The following SLC34A3 variants were observed in gnomAD, a reference collection of about 807,000 sequenced individuals.
SLC34A3 encodes solute carrier family 34 member 3, also known as sodium-dependent phosphate transport protein 2C.
SLC34A3 carries 60 observed loss-of-function variants against 43.9 expected under a neutral mutation model. That is an observed-to-expected ratio of 1.37 (90% CI 1.11 to 1.70). The LOEUF (loss-of-function observed/expected upper bound fraction) is 1.70, where lower values mean the gene tolerates loss of function less well. Among genes scored for constraint, SLC34A3 ranks in the 40% most tolerant of loss-of-function variants. The probability of loss-of-function intolerance (pLI) is 0.00; values close to 1 mark genes in which losing one functional copy is unlikely to be tolerated. For synonymous variants in SLC34A3, 451 were observed against 386.2 expected (o/e 1.17, Z -1.97); for missense variants, 969 against 823.8 (o/e 1.18, Z -2.16).
At position 137,234,081 on chromosome 9, in the gene SLC34A3, C is replaced by T. The variant is rs1413060118; in HGVS notation, c.926-28C>T. On this transcript the variant is annotated intron_variant, in intron 9 of 12. Coordinates refer to ENST00000673835, the MANE Select transcript of SLC34A3 (RefSeq NM_001177316.2). This position sits in a 1 kb window ranked among gnomAD's most constrained non-coding sequence, Gnocchi z 6.9. The stretch of plus-strand genomic sequence containing the variant: ...CACCCCGGCCCACCCCCCAGGCTCC[C>T]CCTCACCTGCCCCTGCCCTGCCCCC... 1.3e-6 allele frequency: 2 copies of T among 1,524,066 alleles called. No homozygotes were observed. Among genetic ancestry groups the T allele is most frequent in the Admixed American group, 1.9e-5 (1 of 51,740 alleles). The allele number at this position is 1,524,066 out of a possible 1,614,324, so 94.4% of individuals were successfully genotyped here.
intron 7 of SLC34A3, 70 bp from the exon 8 acceptor site, chr9:137,233,563 C>G: frequency 1.3e-6 from 2 of 1,568,216 alleles, no homozygotes; most frequent in South Asian, 1.1e-5. Flanking sequence ...CTGGACCCCG[C>G]GGGCGCCAGA....
rs1188555584 is a variant in SLC34A3, at chr9:137,233,528, G to A, written c.757-105G>A. On this transcript the variant is annotated intron_variant, in intron 7 of 12. Coordinates refer to ENST00000673835, the MANE Select transcript of SLC34A3 (RefSeq NM_001177316.2). ...GGCCCTGTCCTGGGACAGGGGAGGA[G>A]AGGGCAGCAGTGGGCAGGGCTGGGC... 3 of 1,557,524 alleles carry A rather than the reference G, an allele frequency of 1.9e-6. No individual in the cohort carries two copies. The East Asian group carries it at 6.7e-5, about 35-fold the overall frequency.
At position 137,232,769 on chromosome 9, in the gene SLC34A3, C is replaced by T. The variant is rs1836304374; in HGVS notation, c.305-15C>T. The T allele has an allele frequency of 1.2e-6, 2 of 1,613,042 alleles. No individual in the cohort carries two copies. Among genetic ancestry groups the T allele is most frequent in the Non-Finnish European group, 1.7e-6 (2 of 1,180,000 alleles). ...AGCCCTCCGCAGCTTCAGCGCACCT[C>T]TCTTGCCGGTGTAGGCAAAGTGGCC... On this transcript the variant is annotated splice_polypyrimidine_tract_variant and intron_variant, in intron 4 of 12. Transcript: ENST00000673835.
Position 137,231,905 on chromosome 9 carries a change from C to T in SLC34A3, c.85+118C>T, listed in dbSNP as rs146842743. ...CCCGGGGAACCCACAGGGCTCATGA[C>T]GCCTCCACTCAGGTCCAGCCCAGCT... On this transcript the variant is annotated intron_variant, in intron 2 of 12. Transcript: ENST00000673835. 30 of 1,127,694 alleles carry T rather than the reference C, an allele frequency of 2.7e-5. 1 individual carries two copies. The highest frequency in any genetic ancestry group is 8.6e-5 in the South Asian group (7 of 81,246). 69.9% of individuals were successfully genotyped at this position (1,127,694 alleles called of 1,614,324 possible).
rs780583040 is a variant in SLC34A3 at position 137,236,107 on chromosome 9, G to A, written c.1491G>A (p.Leu497=). The A allele has an allele frequency of 2.5e-6, 4 of 1,611,950 alleles. No homozygotes were observed. The East Asian group carries it at 8.9e-5, about 36-fold the overall frequency. Residue 497 remains leucine (L), a synonymous_variant, in exon 13 of 13, where the codon CTG becomes CTA. Coordinates refer to ENST00000673835, the MANE Select transcript of SLC34A3 (RefSeq NM_001177316.2). ...GGGTCTACCTGCTGCTCGGATTCCTGCTGCTGCCCCTGGCGGCCTTCGGGC... is the reference window on the plus strand; with the variant it reads ...GGGTCTACCTGCTGCTCGGATTCCTACTGCTGCCCCTGGCGGCCTTCGGGC... The part of the protein sequence containing the change: ...VAGVYLLLGF[L]LLPLAAFGLS...
At chr9:137,231,847 T>C in intron 2 of SLC34A3, 60 bp downstream of exon 2, 1 of 1,449,964 alleles carries the variant, frequency 6.9e-7, no homozygotes. Flanking sequence ...CCCCAGGCAC[T>C]GGGCAGAGAC....
Position 137,233,733 on chromosome 9 carries a change from C to T in SLC34A3, c.846+11C>T, listed in dbSNP as rs1212765791. The T allele has an allele frequency of 2.5e-6, 4 of 1,611,510 alleles. No individual in the cohort carries two copies. In the East Asian group the frequency reaches 6.7e-5, roughly 27 times the overall value. ...ACCACGGGGCAGCCGGTGAGGCACC[C>T]AACCCTAGGCCCTCACTGACCCCCA... On this transcript the variant is annotated intron_variant, in intron 8 of 12. Coordinates refer to ENST00000673835, the MANE Select transcript of SLC34A3 (RefSeq NM_001177316.2).
intron 8 of SLC34A3, 61 bp downstream of exon 8, chr9:137,233,783 G>GCC: frequency 5.8e-6 from 4 of 693,536 alleles, no homozygotes; most frequent in Non-Finnish European, 8.0e-6. Flanking sequence ...GAGTCATCCC[G>GCC]CCCCACCCAC....
chr9:137,234,361 G>C lies in SLC34A3; in HGVS notation c.1094-55G>C. ...CCCTTCCCACCAGGCTGACTCGGGG[G>C]CTACCTGGCCCTCCTTGTGGGCGCT... On this transcript the variant is annotated intron_variant, in intron 10 of 12. Coordinates refer to ENST00000673835, the MANE Select transcript of SLC34A3 (RefSeq NM_001177316.2). The surrounding 1 kb of genome is among the most constrained non-coding windows in gnomAD (Gnocchi z 6.9). 3 of 1,598,746 alleles carry C rather than the reference G, an allele frequency of 1.9e-6. No individual in the cohort carries two copies. The highest frequency in any genetic ancestry group is 2.5e-6 in the Non-Finnish European group (3 of 1,178,108).
In SLC34A3 at chr9:137,232,572, C is replaced by T. The variant is rs1283447535; in HGVS notation, c.176-3C>T. 1.2e-6 allele frequency: 2 copies of T among 1,611,682 alleles called. No individual in the cohort carries two copies. Among genetic ancestry groups the T allele is most frequent in the Non-Finnish European group, 1.7e-6 (2 of 1,179,414 alleles). On this transcript the variant is annotated splice_polypyrimidine_tract_variant and splice_region_variant and intron_variant, in intron 3 of 12. Transcript: ENST00000673835. ...CCAGGGACAGCCTGCCCTGTGTCCTCAGAGCTCCGCGTGGCCGGCAGGCTG... is the reference window on the plus strand; with the variant it reads ...CCAGGGACAGCCTGCCCTGTGTCCTTAGAGCTCCGCGTGGCCGGCAGGCTG...
chr9:137,236,314 G>T lies in SLC34A3; in HGVS notation c.1698G>T (p.Val566=). ...CTCTGGAGCCCTGGGACCGCCTGGTGACCCGCTGCTGCCCCTGCAACGTCT... is the reference window on the plus strand; with the variant it reads ...CTCTGGAGCCCTGGGACCGCCTGGTTACCCGCTGCTGCCCCTGCAACGTCT... ...LHSLEPWDRL[V]TRCCPCNVCS... The change falls in exon 13 of 13, where the codon GTG becomes GTT. Residue 566 remains valine (V), a synonymous_variant. Coordinates refer to ENST00000673835, the MANE Select transcript of SLC34A3 (RefSeq NM_001177316.2). The T allele has an allele frequency of 6.5e-7, 1 of 1,542,522 alleles. No individual in the cohort carries two copies.
intron 12 of SLC34A3, among the ~76,000 whole-genome samples, chr9:137,235,294 G>A (rs142762451): frequency 7.2e-5 from 11 of 152,250 alleles, no homozygotes; most frequent in African/African-American, 2.2e-4. Context: ...AAAACAGCCC[G>A]TCTGCGGCCT....
chr9:137,233,903 C>G lies in SLC34A3; in HGVS notation c.887C>G (p.Thr296Arg). The change falls in exon 9 of 13, where the codon ACA becomes AGA. Residue 296 changes from threonine (T) to arginine (R), a missense_variant. By Grantham distance (71) the Thr-to-Arg change is moderately conservative. Coordinates refer to ENST00000673835, the MANE Select transcript of SLC34A3 (RefSeq NM_001177316.2). Reference protein sequence around the residue: ...NSSCGAFGPCTEKNSTAPADR... With the variant: ...NSSCGAFGPCREKNSTAPADR... ...AGCTGTGGCGCCTTCGGCCCGTGCA[C>G]AGAGAAGAACAGCACAGCCCCGGCG... 1 of 1,606,602 alleles carries G rather than the reference C, an allele frequency of 6.2e-7. No homozygotes were observed. The highest frequency in any genetic ancestry group is 1.1e-5 in the South Asian group (1 of 89,800).
chr9:137,236,235 C>T lies in SLC34A3; in HGVS notation c.1619C>T (p.Ala540Val). ...ACTGTCCTGCAGCGGCGCCGGCCGG[C>T]CTGGCTGCCTGTCCGCCTGCGCTCC... ...LVTVLQRRRP[A>V]WLPVRLRSWA... The change falls in exon 13 of 13, where the codon GCC becomes GTC. Residue 540 changes from alanine to valine, a missense_variant. Coordinates refer to ENST00000673835, the MANE Select transcript of SLC34A3 (RefSeq NM_001177316.2). 1 of 1,554,946 alleles carries T rather than the reference C, an allele frequency of 6.4e-7. No individual in the cohort carries two copies. The highest frequency in any genetic ancestry group is 8.7e-7 in the Non-Finnish European group (1 of 1,153,168).
At position 137,232,881 on chromosome 9, in the gene SLC34A3, T is replaced by A; in HGVS notation, c.402T>A (p.Ser134Arg). The A allele has an allele frequency of 6.2e-7, 1 of 1,611,020 alleles. No homozygotes were observed. ...IGVLVTALVQSSSTSSSIVVS... is the reference protein window; with the variant it reads ...IGVLVTALVQRSSTSSSIVVS... ...TGCTGGTCACAGCCCTGGTGCAGAG[T>A]TCCAGCACGTCCTCCTCCATCGTGG... Residue 134 changes from serine (S) to arginine (R), a missense_variant, in exon 5 of 13, where the codon AGT (serine) becomes AGA (arginine). By Grantham distance (110) the Ser-to-Arg change is moderately radical. Transcript: ENST00000673835.
chr9:137,233,282 G>A lies in SLC34A3; in HGVS notation c.634G>A (p.Ala212Thr), dbSNP rs754447323. Residue 212 changes from alanine (A) to threonine (T), a missense_variant, in exon 7 of 13, where the codon GCC (alanine) becomes ACC (threonine). Coordinates refer to ENST00000673835, the MANE Select transcript of SLC34A3 (RefSeq NM_001177316.2). The stretch of plus-strand genomic sequence containing the variant: ...GCTGGTCCTGCTGCCACTGGAGAGC[G>A]CCACGGCCCTGCTGGAGAGGCTAAG... ...TVLVLLPLES[A>T]TALLERLSEL... 1.6e-4 allele frequency: 249 copies of A among 1,587,408 alleles called. No individual in the cohort carries two copies. The highest frequency in any genetic ancestry group is 1.8e-4 in the Non-Finnish European group (207 of 1,167,244).
chr9:137,232,281 G>A, intron 3 of SLC34A3, 120 bp downstream of exon 3: 1 of 1,005,558 alleles, frequency 9.9e-7, no homozygotes, highest in Non-Finnish European at 1.5e-6. Context: ...CCGCCATGCA[G>A]GCCCCCTCTG....
rs1475642070 is a variant in SLC34A3 at position 137,236,453 on chromosome 9, G to C, written c.*37G>C. Reference sequence around the variant, plus strand: ...TGAGCAGACCGCCCCACCCTCCCCGGCTGGGAGGGCTCTGGAGGGCCCTGG... The same window carrying C: ...TGAGCAGACCGCCCCACCCTCCCCGCCTGGGAGGGCTCTGGAGGGCCCTGG... On this transcript the variant is annotated 3_prime_UTR_variant, in exon 13 of 13. Coordinates refer to ENST00000673835, the MANE Select transcript of SLC34A3 (RefSeq NM_001177316.2). 4 of 1,511,892 alleles carry C rather than the reference G, an allele frequency of 2.6e-6. No homozygotes were observed. The highest frequency in any genetic ancestry group is 3.6e-6 in the Non-Finnish European group (4 of 1,125,282). The allele number at this position is 1,511,892 out of a possible 1,614,324, so 93.7% of individuals were successfully genotyped here. A position where few individuals can be genotyped will look rare whatever the true frequency, so the allele number is the denominator to read the frequency against.
rs1398736374 is a variant in SLC34A3 at position 137,234,287 on chromosome 9, G to A, written c.1093+11G>A. On this transcript the variant is annotated intron_variant, in intron 10 of 12. Coordinates refer to ENST00000673835, the MANE Select transcript of SLC34A3 (RefSeq NM_001177316.2). This position sits in a 1 kb window ranked among gnomAD's most constrained non-coding sequence, Gnocchi z 6.9. ...CAGTCATCAATGCGGGTGAGGGCGT[G>A]GGAGGAGGTGCGGTGGCCAGGGCTG... 3 of 1,609,662 alleles carry A rather than the reference G, an allele frequency of 1.9e-6. No homozygotes were observed. The highest frequency in any genetic ancestry group is 2.5e-6 in the Non-Finnish European group (3 of 1,179,478).
Sources: gnomAD v4.1 joint callset for allele counts (sites outside exome capture counted in the v4.1 genomes callset) on GRCh38, gnomAD v4.1.1 for gene constraint, Gnocchi (gnomAD v3.1) non-coding constraint, MANE v1.5 for transcripts, NCBI Gene and HGNC (gene_info 2026-07-23, HGNC 2026-07-21) for gene names.